Variants in ZZEF1 observed in about 807,000 individuals in gnomAD.
ZZEF1 encodes the protein zinc finger ZZ-type and EF-hand domain containing 1.
ZZEF1 carries 157 observed loss-of-function variants against 342.8 expected under a neutral mutation model. The observed-to-expected ratio is 0.46, with a 90% CI of 0.40 to 0.52. The LOEUF (loss-of-function observed/expected upper bound fraction) is 0.52, where lower values mean the gene tolerates loss of function less well. Among genes scored for constraint, ZZEF1 ranks in the 20% least tolerant of loss-of-function variants. ZZEF1 has a pLI of 0.00. For synonymous variants in ZZEF1, 1,505 were observed against 1,429.1 expected (o/e 1.05, Z -1.20); for missense variants, 3,480 against 3,725.6 (o/e 0.93, Z 1.72).
At chr17:4,040,743 C>T (rs1050144227) in intron 39 of ZZEF1, among the ~76,000 whole-genome samples, 2 of 152,154 alleles carry the variant, frequency 1.3e-5, no homozygotes, top group Non-Finnish European at 2.9e-5. Flanking sequence ...TCGGCTGGCA[C>T]AGAGCAGTTA....
intron 6 of ZZEF1, among the ~76,000 whole-genome samples, chr17:4,107,118 A>T (rs11652060): frequency 0.51 from 77,181 of 152,016 alleles, 21,992 homozygotes; most frequent in East Asian, 0.74. Flanking sequence ...TCTGTCCCAA[A>T]ATATTCTTTT....
chr17:4,049,834 A>G lies in ZZEF1; in HGVS notation c.5889T>C (p.Gly1963=), dbSNP rs2057007312. 6.2e-7 allele frequency: 1 copy of G among 1,614,172 alleles called. No individual in the cohort carries two copies. The change falls in exon 37 of 55, where the codon GGT becomes GGC. Residue 1963 remains glycine (G), a synonymous_variant. Coordinates refer to ENST00000381638, the MANE Select transcript of ZZEF1 (RefSeq NM_015113.4). ...GGCTCGAGTCCCCATCTGGCAATAC[A>G]CCCAGCAAAGCTAGAGCTTTAAGGC... ...GKGLKALALL[G]VLPDGDSSLE...
chr17:4,019,943 G>A (rs2056224185), intron 45 of ZZEF1, 174 bp from the exon 46 acceptor site: 2 of 522,932 alleles, frequency 3.8e-6, no homozygotes, highest in Non-Finnish European at 3.3e-6. Flanking sequence ...CCAAAACATG[G>A]ACTATAACAC....
intron 3 of ZZEF1, 94 bp from the exon 4 acceptor site, chr17:4,114,564 C>T: frequency 9.4e-7 from 1 of 1,063,500 alleles, no homozygotes. Flanking sequence ...ACGCTTGGTA[C>T]TCTGGCCCTA....
intron 9 of ZZEF1, among the ~76,000 whole-genome samples, chr17:4,101,658 G>A (rs928470951): frequency 1.3e-5 from 2 of 151,954 alleles, no homozygotes; most frequent in African/African-American, 4.8e-5. Flanking sequence ...ACAGAGTCTC[G>A]CTCTGTCACC....
chr17:4,101,418 G>A (rs2058124447), intron 9 of ZZEF1, among the ~76,000 whole-genome samples: 1 of 152,108 alleles, frequency 6.6e-6, no homozygotes, highest in South Asian at 2.1e-4. Flanking sequence ...AATCAGTCCA[G>A]TGAGGAAAAA....
At chr17:4,117,293 A>C (rs1170594154) in intron 2 of ZZEF1, 127 bp from the exon 3 acceptor site, 2 of 710,446 alleles carry the variant, frequency 2.8e-6, no homozygotes, top group African/African-American at 3.6e-5. Context: ...TGATATTTTC[A>C]GTTTTAATTG....
chr17:4,052,464 G>A (rs1415048645), intron 34 of ZZEF1, among the ~76,000 whole-genome samples: 2 of 152,188 alleles, frequency 1.3e-5, no homozygotes, highest in African/African-American at 4.8e-5. Flanking sequence ...TTCTGTTGAT[G>A]TATTCCTGTT....
intron 44 of ZZEF1, among the ~76,000 whole-genome samples, chr17:4,021,878 G>C (rs2056279712): frequency 1.3e-5 from 2 of 151,114 alleles, no homozygotes; most frequent in Non-Finnish European, 2.9e-5. Flanking sequence ...AAACGAGAAG[G>C]AGAAAATACA....
Position 4,006,693 on chromosome 17 carries a change from C to T in ZZEF1, c.*197G>A. On this transcript the variant is annotated 3_prime_UTR_variant, in exon 55 of 55. Coordinates refer to ENST00000381638, the MANE Select transcript of ZZEF1 (RefSeq NM_015113.4). ...TTCTGCACTGCTTGGCTTATTTTCACCATGCTACAGCCTGTGCTTGTGTCC... is the reference window on the plus strand; with the variant it reads ...TTCTGCACTGCTTGGCTTATTTTCATCATGCTACAGCCTGTGCTTGTGTCC... 1.6e-6 allele frequency: 1 copy of T among 644,518 alleles called. No homozygotes were observed. Among genetic ancestry groups the T allele is most frequent in the Non-Finnish European group, 2.8e-6 (1 of 360,012 alleles). 39.9% of individuals were successfully genotyped at this position (644,518 alleles called of 1,614,324 possible). A position where few individuals can be genotyped will look rare whatever the true frequency, so the allele number is the denominator to read the frequency against.
chr17:4,143,017 GCTTC>G lies in ZZEF1; in HGVS notation c.-126_-123del, dbSNP rs1403558297. On this transcript the variant is annotated 5_prime_UTR_variant, in exon 1 of 55. Transcript: ENST00000381638. The stretch of plus-strand genomic sequence containing the variant: ...GGAGGAGACGACGGCGGCCCCTGCG[GCTTC>G]CGGCTTCCTGGCCGTCAAGCGACGA... 3 of 1,268,932 alleles carry G rather than the reference GCTTC, an allele frequency of 2.4e-6. No individual in the cohort carries two copies. Among genetic ancestry groups the G allele is most frequent in the Non-Finnish European group, 3.0e-6 (3 of 1,012,122 alleles). The allele number at this position is 1,268,932 out of a possible 1,614,324, so 78.6% of individuals were successfully genotyped here. A position where few individuals can be genotyped will look rare whatever the true frequency, so the allele number is the denominator to read the frequency against.
In ZZEF1 at chr17:4,077,926, C is replaced by G. The variant is rs773707140; in HGVS notation, c.2946G>C (p.Thr982=). ...CGGCAAGATCTTTGGCTCCAGAGTC[C>G]GTGCTCTTCAGCTGCAGGTAGCACC... ...LSWCYLQLKS[T]DSGAKDLAVD... Residue 982 remains threonine (T), a synonymous_variant, in exon 19 of 55, where the codon ACG becomes ACC. Transcript: ENST00000381638. The G allele has an allele frequency of 6.2e-7, 1 of 1,614,140 alleles. No individual in the cohort carries two copies. The highest frequency in any genetic ancestry group is 8.5e-7 in the Non-Finnish European group (1 of 1,180,022).
At position 4,070,921 on chromosome 17, in the gene ZZEF1, T is replaced by C. The variant is rs921271539; in HGVS notation, c.3838A>G (p.Lys1280Glu). The change falls in exon 26 of 55, where the codon AAG (lysine) becomes GAG (glutamate). Residue 1280 changes from lysine to glutamate, a missense_variant. Around this residue, in one of 5 missense-constraint regions of ZZEF1, gnomAD observed 1,528 missense variants for 1,624.1 expected, o/e 0.94. Coordinates refer to ENST00000381638, the MANE Select transcript of ZZEF1 (RefSeq NM_015113.4). ...CGGCAGGGGTCGTCAGGAATGTTCT[T>C]AACCTGGAAACAAAAAATAAACCCA... ...THPHRNSKEV[K>E]NIPDDPCRHF... 6 of 1,609,580 alleles carry C rather than the reference T, an allele frequency of 3.7e-6. No homozygotes were observed. Among genetic ancestry groups the C allele is most frequent in the Non-Finnish European group, 5.1e-6 (6 of 1,178,504 alleles).
Position 4,049,763 on chromosome 17 carries a change from T to C in ZZEF1, c.5960A>G (p.Glu1987Gly), listed in dbSNP as rs1372708174. 16 of 1,614,070 alleles carry C rather than the reference T, an allele frequency of 9.9e-6. No individual in the cohort carries two copies. Among genetic ancestry groups the C allele is most frequent in the Non-Finnish European group, 1.4e-5 (16 of 1,180,048 alleles). The stretch of plus-strand genomic sequence containing the variant: ...GACAGCTTTCTTCTCTAGCTGCTCC[T>C]CTGACGCTCCGGTGGGCACAGTGAC... Reference protein sequence around the residue: ...LPVTVPTGASEEQLEKKAVQG... With the variant: ...LPVTVPTGASGEQLEKKAVQG... The change falls in exon 37 of 55, where the codon GAG becomes GGG. Residue 1987 changes from glutamate to glycine, a missense_variant. Physicochemically the swap from Glu to Gly is moderately conservative, Grantham distance 98. Around this residue, in one of 5 missense-constraint regions of ZZEF1, gnomAD observed 1,269 missense variants for 1,342.4 expected, o/e 0.95. Transcript: ENST00000381638.
chr17:4,049,622 T>G, intron 37 of ZZEF1, 86 bp downstream of exon 37: 1 of 1,525,310 alleles, frequency 6.6e-7, no homozygotes, highest in Non-Finnish European at 8.9e-7. Flanking sequence ...GTCTGTGCTC[T>G]TAACCTCTCT....
chr17:4,042,647 C>G, intron 38 of ZZEF1, 79 bp from the exon 39 acceptor site: 1 of 1,353,784 alleles, frequency 7.4e-7, no homozygotes, highest in South Asian at 1.4e-5. Context: ...TGCACTGTCC[C>G]CTGTGCTGCT....
At position 4,017,518 on chromosome 17, in the gene ZZEF1, G is replaced by A. The variant is rs754716018; in HGVS notation, c.7854C>T (p.Tyr2618=). The A allele has an allele frequency of 3.3e-5, 53 of 1,614,138 alleles. No individual in the cohort carries two copies. The highest frequency in any genetic ancestry group is 4.1e-5 in the Non-Finnish European group (48 of 1,180,050). Residue 2618 remains tyrosine, a synonymous_variant, in exon 48 of 55, where the codon TAC becomes TAT. Transcript: ENST00000381638. This position sits in a 1 kb window ranked among gnomAD's most constrained non-coding sequence, Gnocchi z 5.1. ...FRVNEATAVL[Y]ARHVLASLLA... is the part of the protein sequence containing the mutation. The stretch of plus-strand genomic sequence containing the variant: ...GCAGGGATGCAAGCACGTGGCGGGC[G>A]TACAGGACAGCTGTGGCCTCGTTCA...
Position 4,095,941 on chromosome 17 carries a change from C to T in ZZEF1, c.1803G>A (p.Val601=). ...RGGIGAQCGL[V]FAYNSSSDKF... is the part of the protein sequence containing the mutation. ...TATCTGAAGATGAGTTATAGGCAAACACCAACCCACACTGGGCACCAATGC... is the reference window on the plus strand; with the variant it reads ...TATCTGAAGATGAGTTATAGGCAAATACCAACCCACACTGGGCACCAATGC... Residue 601 remains valine, a synonymous_variant, in exon 11 of 55, where the codon GTG becomes GTA. Transcript: ENST00000381638. The T allele has an allele frequency of 6.2e-7, 1 of 1,613,130 alleles. No homozygotes were observed. Among genetic ancestry groups the T allele is most frequent in the Non-Finnish European group, 8.5e-7 (1 of 1,179,322 alleles).
rs568826334 is a variant in ZZEF1, at chr17:4,009,807, G to A, written c.8580-50C>T. 5 of 1,591,206 alleles carry A rather than the reference G, an allele frequency of 3.1e-6. No individual in the cohort carries two copies. The East Asian group carries it at 9.0e-5, about 29-fold the overall frequency. On this transcript the variant is annotated intron_variant, in intron 52 of 54. Coordinates refer to ENST00000381638, the MANE Select transcript of ZZEF1 (RefSeq NM_015113.4). ...TCAGTTTACTGAGAGCCATGCCAAGGTCACATGGCTTACAGCTGGCAGGAA... is the reference window on the plus strand; with the variant it reads ...TCAGTTTACTGAGAGCCATGCCAAGATCACATGGCTTACAGCTGGCAGGAA...
Sources: allele counts gnomAD v4.1 joint callset (sites outside exome capture counted in the v4.1 genomes callset), GRCh38; gene constraint gnomAD v4.1.1; regional missense constraint gnomAD v4.1.1; non-coding constraint Gnocchi (gnomAD v3.1); transcripts MANE v1.5; gene names NCBI Gene and HGNC (gene_info 2026-07-23, HGNC 2026-07-21).